Variants in SLX4IP observed in about 807,000 individuals in gnomAD.
The protein encoded by SLX4IP is SLX4 interacting protein, also known as protein SLX4IP.
In SLX4IP, 34 loss-of-function variants were observed where a neutral mutation model predicts 32.9. The ratio of observed to expected loss-of-function variants is 1.03; its 90% CI spans 0.79 to 1.38. SLX4IP has a LOEUF of 1.38. Ranked by LOEUF, SLX4IP falls within the 40% of genes most tolerant of loss-of-function variation. The pLI is 0.00. For synonymous variants in SLX4IP, 172 were observed against 171.7 expected (o/e 1.00, Z -0.01); for missense variants, 444 against 479.0 (o/e 0.93, Z 0.68).
intron 2 of SLX4IP, among the ~76,000 whole-genome samples, chr20:10,555,367 T>TAA (rs1458187941): frequency 6.7e-6 from 1 of 148,988 alleles, no homozygotes; most frequent in East Asian, 1.9e-4. Flanking sequence ...ACTTCACTCA[T>TAA]ATGTGAGGAT....
chr20:10,435,959 A>G (rs2065108825), intron 1 of SLX4IP, among the ~76,000 whole-genome samples: 1 of 152,240 alleles, frequency 6.6e-6, no homozygotes, highest in African/African-American at 2.4e-5. Context: ...TACTAGGTTG[A>G]GACAAATAAC....
At chr20:10,508,135 T>C (rs1317256618) in intron 2 of SLX4IP, among the ~76,000 whole-genome samples, 1 of 152,178 alleles carries the variant, frequency 6.6e-6, no homozygotes, top group Non-Finnish European at 1.5e-5. Flanking sequence ...CAGCCTTATA[T>C]GAGAGGACAC....
At chr20:10,500,660 G>A (rs2065710570) in intron 2 of SLX4IP, among the ~76,000 whole-genome samples, 1 of 152,164 alleles carries the variant, frequency 6.6e-6, no homozygotes, top group African/African-American at 2.4e-5. Context: ...GCCGAGGTGG[G>A]AGGATTCCTT....
chr20:10,613,732 T>C, intron 6 of SLX4IP: 1 of 1,612,890 alleles, frequency 6.2e-7, no homozygotes, highest in Non-Finnish European at 8.5e-7. Flanking sequence ...GCTTGCTGAA[T>C]GATATTCCTT....
chr20:10,565,737 TC>T (rs1359771050), intron 4 of SLX4IP, among the ~76,000 whole-genome samples: 5 of 152,176 alleles, frequency 3.3e-5, no homozygotes, highest in Non-Finnish European at 5.9e-5. Context: ...GCTTCCTTCT[TC>T]CATGAGCTTC....
At chr20:10,586,633 G>GA (rs1294493371) in intron 4 of SLX4IP, among the ~76,000 whole-genome samples, 1 of 150,840 alleles carries the variant, frequency 6.6e-6, no homozygotes, top group Admixed American at 6.6e-5. Context: ...GATAAAGAGG[G>GA]AAAAAAAGAT....
intron 6 of SLX4IP, among the ~76,000 whole-genome samples, chr20:10,611,607 T>C (rs1355687285): frequency 2.0e-5 from 3 of 152,172 alleles, no homozygotes; most frequent in African/African-American, 7.2e-5. Context: ...TTCAGTAGTT[T>C]GATTGGCCTG....
intron 2 of SLX4IP, among the ~76,000 whole-genome samples, chr20:10,520,002 T>C (rs2065888728): frequency 6.6e-6 from 1 of 152,214 alleles, no homozygotes; most frequent in Non-Finnish European, 1.5e-5. Flanking sequence ...ATTGACTATT[T>C]ATTTTCTAGA....
intron 4 of SLX4IP, among the ~76,000 whole-genome samples, chr20:10,582,989 C>G (rs1358759917): frequency 6.6e-6 from 1 of 151,896 alleles, no homozygotes; most frequent in Admixed American, 6.6e-5. Flanking sequence ...TTCTTTTTTA[C>G]AAATAAATCT....
intron 2 of SLX4IP, among the ~76,000 whole-genome samples, chr20:10,494,130 G>A (rs2065648010): frequency 6.6e-6 from 1 of 151,312 alleles, no homozygotes; most frequent in Admixed American, 6.6e-5. Context: ...GTATAATTTA[G>A]CATTATTGAA....
chr20:10,438,438 A>G (rs898592261), intron 1 of SLX4IP, among the ~76,000 whole-genome samples: 4 of 148,928 alleles, frequency 2.7e-5, no homozygotes, highest in Admixed American at 1.3e-4. Context: ...CTATCGCTGT[A>G]GATAAGTTTG....
intron 2 of SLX4IP, among the ~76,000 whole-genome samples, chr20:10,459,404 T>A (rs1007636359): frequency 6.6e-6 from 1 of 152,208 alleles, no homozygotes; most frequent in Admixed American, 6.5e-5. Context: ...TTGTTGCAAT[T>A]GCTTTTGGTG....
intron 6 of SLX4IP, among the ~76,000 whole-genome samples, chr20:10,617,883 C>T (rs1454567260): frequency 6.6e-6 from 1 of 152,036 alleles, no homozygotes; most frequent in Non-Finnish European, 1.5e-5. Context: ...TCAAGCTATC[C>T]TCCTACCTTG....
intron 2 of SLX4IP, among the ~76,000 whole-genome samples, chr20:10,500,130 C>T (rs200080925): frequency 4.0e-3 from 358 of 89,918 alleles, no homozygotes; most frequent in Middle Eastern, 0.026. Context: ...TGTCAAAATT[C>T]TTTTTTTTTT....
At chr20:10,567,881 C>T (rs2066414623) in intron 4 of SLX4IP, among the ~76,000 whole-genome samples, 1 of 152,208 alleles carries the variant, frequency 6.6e-6, no homozygotes, top group Non-Finnish European at 1.5e-5. Context: ...CACATTCATT[C>T]ACTTCTGGCT....
chr20:10,453,318 G>GTGTGTGTGTC (rs1472356372), intron 1 of SLX4IP, among the ~76,000 whole-genome samples: 2,913 of 58,824 alleles, frequency 0.05, 69 homozygotes, highest in South Asian at 0.13. Flanking sequence ...GTGTGTGTGT[G>GTGTGTGTGTC]TGTGTGTGTG....
chr20:10,533,449 A>T (rs1044113973), intron 2 of SLX4IP, among the ~76,000 whole-genome samples: 2 of 152,000 alleles, frequency 1.3e-5, no homozygotes, highest in Non-Finnish European at 2.9e-5. Context: ...GATTACAGGC[A>T]TGTGCCACCA....
intron 6 of SLX4IP, chr20:10,614,235 A>G (rs1330103230): frequency 3.0e-5 from 19 of 626,466 alleles, no homozygotes; most frequent in Non-Finnish European, 4.9e-5. Flanking sequence ...ACTCATGTAC[A>G]TAACCATGAG....
intron 2 of SLX4IP, among the ~76,000 whole-genome samples, chr20:10,468,643 T>C (rs1235299233): frequency 2.0e-5 from 3 of 152,216 alleles, no homozygotes; most frequent in African/African-American, 4.8e-5. Flanking sequence ...TTTTCTTCCT[T>C]GGTCCACACC....
Sources: gnomAD v4.1 joint callset for allele counts (sites outside exome capture counted in the v4.1 genomes callset) on GRCh38, gnomAD v4.1.1 for gene constraint, MANE v1.5 for transcripts, NCBI Gene and HGNC (gene_info 2026-07-23, HGNC 2026-07-21) for gene names.